KLF12: variants seen among roughly 807,000 people sequenced by gnomAD.
The protein encoded by KLF12 is Krueppel-like factor 12.
A neutral mutation model predicts 37.8 loss-of-function variants in KLF12; 9 were observed. That is an observed-to-expected ratio of 0.24 (90% CI 0.14 to 0.42). KLF12 has a LOEUF of 0.42. Among genes scored for constraint, KLF12 ranks in the 10% least tolerant of loss-of-function variants. The pLI is 1.00. For missense variants in KLF12, 411 were observed against 516.0 expected, an observed-to-expected ratio of 0.80 and a Z score of 1.97; for synonymous variants, 208 against 202.1, an observed-to-expected ratio of 1.03 and a Z score of -0.25.
At chr13:73,834,422 GT>G (rs1206376757) in intron 4 of KLF12, among the ~76,000 whole-genome samples, 1 of 152,184 alleles carries the variant, frequency 6.6e-6, no homozygotes, top group African/African-American at 2.4e-5. Context: ...AGTTCTCTCA[GT>G]TTTACTAAGT....
intron 1 of KLF12, among the ~76,000 whole-genome samples, chr13:73,995,754 CTGATTA>C (rs1892097128): frequency 6.6e-6 from 1 of 152,252 alleles, no homozygotes; most frequent in African/African-American, 2.4e-5. Context: ...CTGGGGAGTT[CTGATTA>C]TAATAGACCA....
At chr13:74,277,722 A>T in the KLF12 span, among the ~76,000 whole-genome samples, 1 of 152,124 alleles carries the variant, frequency 6.6e-6, no homozygotes, top group Non-Finnish European at 1.5e-5. Context: ...TGACTTTAAA[A>T]ATTTGTTCTT....
chr13:74,189,338 T>C, the KLF12 span, among the ~76,000 whole-genome samples: 2 of 152,290 alleles, frequency 1.3e-5, no homozygotes, highest in East Asian at 3.9e-4. Context: ...ACATTGTAGA[T>C]CAATAGCTTT....
intron 1 of KLF12, among the ~76,000 whole-genome samples, chr13:74,009,247 T>C (rs1001281103): frequency 2.6e-5 from 4 of 152,262 alleles, no homozygotes; most frequent in African/African-American, 9.6e-5. Context: ...TTGAAAATTT[T>C]AAAGGAGTAT....
intron 7 of KLF12, 104 bp downstream of exon 7, chr13:73,715,264 G>T: frequency 2.2e-6 from 2 of 901,870 alleles, no homozygotes; most frequent in South Asian, 1.9e-5. Context: ...AACTGGACTT[G>T]AGAGGTACAC....
chr13:74,109,973 G>GA (rs993931018), intron 1 of KLF12, among the ~76,000 whole-genome samples: 8 of 151,942 alleles, frequency 5.3e-5, no homozygotes, highest in Non-Finnish European at 8.8e-5. Flanking sequence ...GACTTTTGGG[G>GA]AAAAAAACAG....
chr13:73,905,956 T>C (rs1888267320), intron 3 of KLF12, among the ~76,000 whole-genome samples: 1 of 152,166 alleles, frequency 6.6e-6, no homozygotes, highest in Admixed American at 6.5e-5. Flanking sequence ...AGAATGCAAA[T>C]GGCTGTTTGA....
chr13:74,130,171 A>G (rs1878182268), intron 1 of KLF12, among the ~76,000 whole-genome samples: 2 of 152,338 alleles, frequency 1.3e-5, no homozygotes, highest in South Asian at 4.1e-4. Context: ...ATTTAATTTT[A>G]ATATTTTTAC....
intron 1 of KLF12, among the ~76,000 whole-genome samples, chr13:74,082,541 C>G (rs1435546629): frequency 6.6e-6 from 1 of 152,092 alleles, no homozygotes; most frequent in Non-Finnish European, 1.5e-5. Flanking sequence ...CCTCTGACAC[C>G]CTCACCTCCA....
chr13:74,126,701 T>A (rs1845845721), intron 1 of KLF12, among the ~76,000 whole-genome samples: 1 of 152,202 alleles, frequency 6.6e-6, no homozygotes, highest in Admixed American at 6.5e-5. Flanking sequence ...CACAGTTCTG[T>A]AGCAGGTGGG....
intron 7 of KLF12, among the ~76,000 whole-genome samples, chr13:73,709,685 C>G (rs539911221): frequency 6.6e-6 from 1 of 152,232 alleles, no homozygotes; most frequent in African/African-American, 2.4e-5. Context: ...GTAACTATCT[C>G]TCTGCTAAGT....
At chr13:74,277,622 A>G in the KLF12 span, among the ~76,000 whole-genome samples, 1 of 152,200 alleles carries the variant, frequency 6.6e-6, no homozygotes, top group East Asian at 1.9e-4. Context: ...ATCATAAAGC[A>G]ATTATAGATT....
chr13:74,132,627 A>G (rs1166559538), intron 1 of KLF12, among the ~76,000 whole-genome samples: 1 of 152,172 alleles, frequency 6.6e-6, no homozygotes, highest in African/African-American at 2.4e-5. Flanking sequence ...TTGTATTAAT[A>G]CTCTTTAACT....
At chr13:74,105,935 T>G (rs763350874) in intron 1 of KLF12, among the ~76,000 whole-genome samples, 1 of 152,170 alleles carries the variant, frequency 6.6e-6, no homozygotes, top group Non-Finnish European at 1.5e-5. Context: ...TCACCTCTTA[T>G]TGTAATGAAA....
chr13:73,959,242 C>T (rs1429730416), intron 2 of KLF12, among the ~76,000 whole-genome samples: 7 of 151,996 alleles, frequency 4.6e-5, no homozygotes, highest in South Asian at 4.1e-4. Context: ...TCCCTTGCTA[C>T]CCCACATAAA....
chr13:73,896,317 T>C (rs1737026714), intron 3 of KLF12, among the ~76,000 whole-genome samples: 1 of 152,224 alleles, frequency 6.6e-6, no homozygotes, highest in Non-Finnish European at 1.5e-5. Context: ...CTTTAAAATT[T>C]TGGATGAGAA....
the KLF12 span, among the ~76,000 whole-genome samples, chr13:74,160,395 T>C: frequency 6.6e-6 from 1 of 152,156 alleles, no homozygotes; most frequent in Non-Finnish European, 1.5e-5. Context: ...TAATTGAAAA[T>C]AAACAAATGG....
the KLF12 span, among the ~76,000 whole-genome samples, chr13:74,201,417 A>G: frequency 6.6e-6 from 1 of 152,010 alleles, no homozygotes; most frequent in African/African-American, 2.4e-5. Flanking sequence ...TCTCATCCTG[A>G]TCTTAGAATA....
intron 3 of KLF12, among the ~76,000 whole-genome samples, chr13:73,940,937 G>T (rs1890158457): frequency 6.6e-6 from 1 of 152,184 alleles, no homozygotes; most frequent in Non-Finnish European, 1.5e-5. Flanking sequence ...GACAGCAGAA[G>T]ACCTAAAGGA....
Sources: gnomAD v4.1 joint callset for allele counts (sites outside exome capture counted in the v4.1 genomes callset) on GRCh38, gnomAD v4.1.1 for gene constraint, MANE v1.5 for transcripts, NCBI Gene and HGNC (gene_info 2026-07-23, HGNC 2026-07-21) for gene names.